PTK2: variants seen among roughly 807,000 people sequenced by gnomAD.
PTK2 encodes the protein focal adhesion kinase 1.
Under a neutral mutation model 150.1 loss-of-function variants are expected in PTK2, and 45 were observed. That is an observed-to-expected ratio of 0.30 (90% confidence interval 0.24 to 0.38). The LOEUF is 0.38. Ranked by LOEUF, PTK2 falls within the 10% of genes least tolerant of loss-of-function variation. The pLI, the probability that PTK2 is intolerant of heterozygous loss-of-function variation, is 1.00. For synonymous variants in PTK2, 432 were observed against 449.2 expected, an observed-to-expected ratio of 0.96 and a Z score of 0.48; for missense variants, 919 against 1,307.3, an observed-to-expected ratio of 0.70 and a Z score of 4.58.
chr8:140,690,320 A>T (rs2100022382), intron 26 of PTK2, among the ~76,000 whole-genome samples: 1 of 152,016 alleles, frequency 6.6e-6, no homozygotes, highest in African/African-American at 2.4e-5. Flanking sequence ...GACTATTCAC[A>T]GGCACAATCA....
chr8:140,962,243 G>A (rs2100183480), intron 1 of PTK2, among the ~76,000 whole-genome samples: 1 of 117,924 alleles, frequency 8.5e-6, no homozygotes, highest in African/African-American at 3.0e-5. Context: ...AAGGAAGGAA[G>A]AAAGGAAGGG....
At chr8:140,848,462 C>CAAAT (rs56755906) in intron 5 of PTK2, among the ~76,000 whole-genome samples, 146,264 of 152,134 alleles carry the variant, frequency 0.96, 70,496 homozygotes, top group Non-Finnish European at 1. Flanking sequence ...AATGCATAAA[C>CAAAT]GAATGAACAA....
At chr8:140,964,546 AATT>A (rs1164372657) in intron 1 of PTK2, among the ~76,000 whole-genome samples, 3 of 122,950 alleles carry the variant, frequency 2.4e-5, no homozygotes, top group African/African-American at 6.4e-5. Flanking sequence ...AGCCCCAGGT[AATT>A]TTTTTTTTTT....
intron 11 of PTK2, among the ~76,000 whole-genome samples, chr8:140,801,986 A>G (rs1363652034): frequency 1.3e-5 from 2 of 152,186 alleles, no homozygotes; most frequent in African/African-American, 4.8e-5. Flanking sequence ...AGTATAGCAC[A>G]TACGATTATG....
At chr8:140,713,519 AAAT>A (rs978936123) in intron 23 of PTK2, among the ~76,000 whole-genome samples, 1 of 152,124 alleles carries the variant, frequency 6.6e-6, no homozygotes, top group African/African-American at 2.4e-5. Context: ...TGCCTCAGGC[AAAT>A]AATATCTTAA....
At chr8:140,994,010 G>A (rs1445695859) in intron 1 of PTK2, among the ~76,000 whole-genome samples, 3 of 152,136 alleles carry the variant, frequency 2.0e-5, no homozygotes, top group African/African-American at 7.2e-5. Flanking sequence ...AATTACAGGT[G>A]TGAGTTACCG....
chr8:140,914,398 C>T lies in PTK2; in HGVS notation c.-33+11263G>A, dbSNP rs184852960. 7.9e-3 allele frequency among the ~76,000 whole-genome samples: 1,169 copies of T among 148,228 alleles called. 8 individuals are homozygous for T. Among genetic ancestry groups the T allele is most frequent in the Middle Eastern group, 0.014 (4 of 288 alleles). ...CTTTACAAAAATCAGCATCACTAAC[C>T]CTTAAAGAACCAAGTTTTGGGTTTT... On this transcript the variant is annotated intron_variant, in intron 2 of 31. Transcript: ENST00000522684.
At chr8:140,811,256 C>T (rs1035467228) in intron 10 of PTK2, among the ~76,000 whole-genome samples, 2 of 152,210 alleles carry the variant, frequency 1.3e-5, no homozygotes, top group African/African-American at 4.8e-5. Context: ...CAGCCCAATA[C>T]CAGTCTCCCA....
chr8:140,757,003 A>G (rs1018455427), intron 16 of PTK2, among the ~76,000 whole-genome samples: 2 of 151,920 alleles, frequency 1.3e-5, no homozygotes, highest in Non-Finnish European at 2.9e-5. Flanking sequence ...AAAAAAAAAG[A>G]AAAAAGTAAA....
intron 2 of PTK2, among the ~76,000 whole-genome samples, chr8:140,902,282 G>A (rs373445878): frequency 4.6e-5 from 7 of 152,104 alleles, no homozygotes; most frequent in African/African-American, 1.4e-4. Context: ...CGATCCACAC[G>A]CCTCGGCCTC....
At position 140,880,985 on chromosome 8, in the gene PTK2, G is replaced by A. The variant is rs577685296; in HGVS notation, c.196-1348C>T. On this transcript the variant is annotated intron_variant, in intron 3 of 31. Coordinates refer to ENST00000522684, the Ensembl canonical transcript of PTK2. ...AAGCACAGGAAGTGGCAGAGAGAGG[G>A]ACAAAGGAAAGGAGTAAACATGGTA... Among the ~76,000 whole-genome samples, 11 of 152,264 alleles carry A rather than the reference G, an allele frequency of 7.2e-5. No individual in the cohort carries two copies. The East Asian group carries it at 1.9e-3, about 27-fold the overall frequency.
At chr8:140,834,221 T>G (rs2100117288) in intron 7 of PTK2, among the ~76,000 whole-genome samples, 1 of 152,144 alleles carries the variant, frequency 6.6e-6, no homozygotes, top group Admixed American at 6.5e-5. Flanking sequence ...CAAAGGCTCC[T>G]CAGTAAGCAC....
intron 5 of PTK2, 27 bp from the exon 6 acceptor site, chr8:140,846,705 A>G: frequency 1.9e-6 from 3 of 1,539,258 alleles, no homozygotes; most frequent in South Asian, 2.3e-5. Context: ...GGGAAAAACA[A>G]CACTGTTTTA....
intron 13 of PTK2, among the ~76,000 whole-genome samples, chr8:140,789,874 A>G (rs10092189): frequency 0.022 from 3,367 of 152,112 alleles, 131 homozygotes; most frequent in African/African-American, 0.078. Flanking sequence ...AAGTTATGAG[A>G]AAAAAAACAT....
chr8:140,855,392 G>A (rs2100131922), intron 5 of PTK2, among the ~76,000 whole-genome samples: 2 of 152,022 alleles, frequency 1.3e-5, no homozygotes, highest in Non-Finnish European at 1.5e-5. Flanking sequence ...TCAGGAGATT[G>A]AGACCATCCT....
At chr8:140,704,499 A>T (rs2100032575) in intron 24 of PTK2, among the ~76,000 whole-genome samples, 1 of 152,220 alleles carries the variant, frequency 6.6e-6, no homozygotes, top group Non-Finnish European at 1.5e-5. Context: ...GCCGCAGACC[A>T]GGCCTGCTGG....
intron 22 of PTK2, among the ~76,000 whole-genome samples, chr8:140,719,321 G>A (rs2100041465): frequency 6.6e-6 from 1 of 152,202 alleles, no homozygotes; most frequent in African/African-American, 2.4e-5. Flanking sequence ...ACTCTTCACA[G>A]TATTTAAGAA....
intron 7 of PTK2, among the ~76,000 whole-genome samples, chr8:140,841,823 T>C (rs997210045): frequency 6.6e-6 from 1 of 152,020 alleles, no homozygotes; most frequent in South Asian, 2.1e-4. Context: ...AGGTTTAATA[T>C]CACCAGTAAT....
At chr8:140,995,034 G>C (rs2100197082) in intron 1 of PTK2, among the ~76,000 whole-genome samples, 1 of 147,754 alleles carries the variant, frequency 6.8e-6, no homozygotes, top group Non-Finnish European at 1.5e-5. Context: ...GGTGAGCTGA[G>C]ATCTCGCCAT....
Sources: allele counts gnomAD v4.1 joint callset (sites outside exome capture counted in the v4.1 genomes callset), GRCh38; gene constraint gnomAD v4.1.1; transcripts MANE v1.5; gene names NCBI Gene and HGNC (gene_info 2026-07-23, HGNC 2026-07-21).